Variants in SEPTIN4 observed in about 807,000 individuals in gnomAD.
SEPTIN4 encodes the protein septin 4.
A neutral mutation model predicts 107.1 loss-of-function variants in SEPTIN4; 52 were observed. The observed-to-expected ratio is 0.49, with a 90% CI of 0.39 to 0.61. SEPTIN4 has a LOEUF of 0.61. Ranked by LOEUF, SEPTIN4 falls within the 20% of genes least tolerant of loss-of-function variation. The pLI, the probability that SEPTIN4 is intolerant of heterozygous loss-of-function variation, is 0.00. For synonymous variants in SEPTIN4, 417 were observed against 467.0 expected, an observed-to-expected ratio of 0.89 and a Z score of 1.38; for missense variants, 1,048 against 1,243.5, an observed-to-expected ratio of 0.84 and a Z score of 2.36.
chr17:58,521,486 C>A lies in SEPTIN4; in HGVS notation c.2571+59G>T. The A allele has an allele frequency of 6.3e-7, 1 of 1,591,090 alleles. No homozygotes were observed. Among genetic ancestry groups the A allele is most frequent in the Non-Finnish European group, 8.6e-7 (1 of 1,159,524 alleles). On this transcript the variant is annotated intron_variant, in intron 10 of 13. Transcript: ENST00000672673. This position sits in a 1 kb window ranked among gnomAD's most constrained non-coding sequence, Gnocchi z 6.4. The stretch of plus-strand genomic sequence containing the variant: ...CTGATAGCCTGAATATAGAATTCTA[C>A]TCCCTTTTTCTACCCGGAAGAAATA...
At chr17:58,536,533 T>C (rs765848458) in intron 3 of SEPTIN4, among the ~76,000 whole-genome samples, 2 of 152,216 alleles carry the variant, frequency 1.3e-5, no homozygotes, top group Non-Finnish European at 2.9e-5. Context: ...AAGCTGGTGC[T>C]TGGTCTCAGA....
At chr17:58,522,345 G>A (rs1329206093) in intron 7 of SEPTIN4, among the ~76,000 whole-genome samples, 2 of 152,098 alleles carry the variant, frequency 1.3e-5, no homozygotes, top group African/African-American at 4.8e-5. Flanking sequence ...GAGAGGGAAA[G>A]GGCCCAGGTG....
chr17:58,522,159 C>A, intron 7 of SEPTIN4, 58 bp from the exon 8 acceptor site: 2 of 1,605,596 alleles, frequency 1.2e-6, no homozygotes, highest in Admixed American at 3.3e-5. Context: ...CTAGTGAGCT[C>A]TGGGACTACA....
chr17:58,529,697 C>T, intron 3 of SEPTIN4: 1 of 165,400 alleles, frequency 6.0e-6, no homozygotes, highest in South Asian at 1.7e-4. Context: ...CCCAGTCTCT[C>T]TTTCACCTTA....
At position 58,538,190 on chromosome 17, in the gene SEPTIN4, T is replaced by C. The variant is rs931198874; in HGVS notation, c.1614+2476A>G. Among the ~76,000 whole-genome samples the C allele has an allele frequency of 2.6e-5, 4 of 152,212 alleles. No homozygotes were observed. The highest frequency in any genetic ancestry group is 9.6e-5 in the African/African-American group (4 of 41,456). Reference sequence around the variant, plus strand: ...CCCTGAGTTCCTCAGAGGCTTTGGATTTCGCTTTGTAAAGGAAGCCAACCT... The same window carrying C: ...CCCTGAGTTCCTCAGAGGCTTTGGACTTCGCTTTGTAAAGGAAGCCAACCT... On this transcript the variant is annotated intron_variant, in intron 3 of 13. Transcript: ENST00000672673. The surrounding 1 kb of genome is among the most constrained non-coding windows in gnomAD (Gnocchi z 4.7).
chr17:58,543,743 T>G lies in SEPTIN4; in HGVS notation c.444A>C (p.Ser148=). ...GAGTAGATTTGGCATCTGGGATTGA[T>G]GAAGCATGATGGCCGACCTCGCGCC... ...KSGREVGHHA[S]SIPDAKSTHQ... The change falls in exon 1 of 14, where the codon TCA becomes TCC. Residue 148 remains serine (S), a synonymous_variant. Coordinates refer to ENST00000672673, the MANE Select transcript of SEPTIN4 (RefSeq NM_001368771.2). 1.2e-6 allele frequency: 2 copies of G among 1,614,220 alleles called. No individual in the cohort carries two copies. The highest frequency in any genetic ancestry group is 1.7e-6 in the Non-Finnish European group (2 of 1,180,048).
At chr17:58,541,304 G>GTCT (rs769751957) in intron 2 of SEPTIN4, among the ~76,000 whole-genome samples, 2 of 152,178 alleles carry the variant, frequency 1.3e-5, no homozygotes, top group African/African-American at 2.4e-5. Flanking sequence ...ACTCCTTGAG[G>GTCT]TCTTGTCCCC....
At chr17:58,536,232 C>T (rs1161163243) in intron 3 of SEPTIN4, among the ~76,000 whole-genome samples, 1 of 152,148 alleles carries the variant, frequency 6.6e-6, no homozygotes, top group Non-Finnish European at 1.5e-5. Context: ...AGAATAAATC[C>T]ACTCATAGGT....
At chr17:58,541,575 G>C (rs561237949) in intron 2 of SEPTIN4, 2 of 469,354 alleles carry the variant, frequency 4.3e-6, no homozygotes, top group Non-Finnish European at 7.5e-6. Context: ...AGTCAACTCT[G>C]AGCAAGACTG....
chr17:58,534,468 C>T (rs1371005715), intron 3 of SEPTIN4, among the ~76,000 whole-genome samples: 1 of 152,242 alleles, frequency 6.6e-6, no homozygotes, highest in Non-Finnish European at 1.5e-5. Context: ...GGGTCTAATA[C>T]CTGCAGGGCC....
intron 3 of SEPTIN4, chr17:58,529,799 T>C (rs1256729576): frequency 1.4e-5 from 1 of 71,288 alleles, no homozygotes; most frequent in African/African-American, 7.4e-5. Flanking sequence ...CAAGTGTTCA[T>C]TTGTTTTTTT....
intron 3 of SEPTIN4, among the ~76,000 whole-genome samples, chr17:58,535,954 G>A (rs2043695223): frequency 6.6e-6 from 1 of 152,094 alleles, no homozygotes; most frequent in Admixed American, 6.5e-5. Context: ...CCTTCATCCT[G>A]GCTGCTCACA....
chr17:58,539,132 C>T, intron 3 of SEPTIN4: 1 of 1,533,756 alleles, frequency 6.5e-7, no homozygotes, highest in Non-Finnish European at 8.7e-7. Flanking sequence ...TCAGAGAAGA[C>T]CAGCAGCCCA....
At position 58,544,126 on chromosome 17, in the gene SEPTIN4, C is replaced by T. The variant is rs1370157058; in HGVS notation, c.61G>A (p.Val21Ile). ...TGCTGAGGGGATGTGTTAGTAGTAACCTCAGACCCTCTCTGTGCTGAAACC... is the reference window on the plus strand; with the variant it reads ...TGCTGAGGGGATGTGTTAGTAGTAATCTCAGACCCTCTCTGTGCTGAAACC... The part of the protein sequence containing the change: ...VAVSAQRGSE[V>I]TTNTSPQQGH... Residue 21 changes from valine to isoleucine, a missense_variant, in exon 1 of 14, where the codon GTT (valine) becomes ATT (isoleucine). This residue lies in a region of SEPTIN4 where 787 missense variants were observed against 871.8 expected (regional missense o/e 0.90). Coordinates refer to ENST00000672673, the MANE Select transcript of SEPTIN4 (RefSeq NM_001368771.2). The T allele has an allele frequency of 7.4e-6, 12 of 1,613,960 alleles. No homozygotes were observed. Among genetic ancestry groups the T allele is most frequent in the Non-Finnish European group, 9.3e-6 (11 of 1,180,000 alleles).
Position 58,539,448 on chromosome 17 carries a change from C to A in SEPTIN4, c.1614+1218G>T, listed in dbSNP as rs140489791. On this transcript the variant is annotated intron_variant, in intron 3 of 13. Transcript: ENST00000672673. ...AAAAGGCTAGCTAAGACACCACCAT[C>A]CCCTGGCTTTGGAAAGGAGGGCATA... is the stretch of plus-strand genomic sequence containing the variant. 2.3e-3 allele frequency among the ~76,000 whole-genome samples: 343 copies of A among 152,270 alleles called. 2 individuals carry two copies. Among genetic ancestry groups the A allele is most frequent in the Middle Eastern group, 0.017 (5 of 294 alleles).
Position 58,526,722 on chromosome 17 carries a change from CG to C in SEPTIN4, c.1870del (p.Arg624AlafsTer34), listed in dbSNP as rs773159701. The C allele has an allele frequency of 6.2e-7, 1 of 1,604,870 alleles. No homozygotes were observed. Among genetic ancestry groups the C allele is most frequent in the East Asian group, 2.2e-5 (1 of 44,794 alleles). On this transcript the variant is annotated frameshift_variant, in exon 4 of 14. Coordinates refer to ENST00000672673, the MANE Select transcript of SEPTIN4 (RefSeq NM_001368771.2). LOFTEE classifies it high-confidence loss of function. The stretch of plus-strand genomic sequence containing the variant: ...GGGATCAAGCTTGCCCCATGGGCTG[CG>C]GGGCCTGGCAGATGGGCTGAGAGGG... ...PAPLSPSARP[R>X]SPWGKLDPYD...
At position 58,526,298 on chromosome 17, in the gene SEPTIN4, C is replaced by A. The variant is rs930101819; in HGVS notation, c.1927G>T (p.Val643Leu). The change falls in exon 5 of 14, where the codon GTG becomes TTG. Residue 643 changes from valine to leucine, a missense_variant. Around this residue, in one of 2 missense-constraint regions of SEPTIN4, gnomAD observed 787 missense variants for 871.8 expected, o/e 0.90. Coordinates refer to ENST00000672673, the MANE Select transcript of SEPTIN4 (RefSeq NM_001368771.2). Reference sequence around the variant, plus strand: ...TGGTTGGGGAGGGTTGCAAAGCCCACATACTCCTTGTCATCCTAGTAGACA... The same window carrying A: ...TGGTTGGGGAGGGTTGCAAAGCCCAAATACTCCTTGTCATCCTAGTAGACA... ...YDSSEDDKEYVGFATLPNQVH... is the reference protein window; with the variant it reads ...YDSSEDDKEYLGFATLPNQVH... The A allele has an allele frequency of 2.5e-6, 4 of 1,597,144 alleles. No homozygotes were observed. In the African/African-American group the frequency reaches 4.0e-5, roughly 16 times the overall value.
rs1567946463 is a variant in SEPTIN4 at position 58,520,793 on chromosome 17, G to C, written c.2881C>G (p.Pro961Ala). 1.9e-6 allele frequency: 3 copies of C among 1,614,144 alleles called. No homozygotes were observed. The highest frequency in any genetic ancestry group is 2.5e-6 in the Non-Finnish European group (3 of 1,180,018). The stretch of plus-strand genomic sequence containing the variant: ...TTCTCAGTTTCTGGATCTGTCCCTG[G>C]TGGGACAGCAGGGATGGGGAAGTCG... ...GTDFPIPAVP[P>A]GTDPETEKLI... Residue 961 changes from proline (P) to alanine (A), a missense_variant, in exon 13 of 14, where the codon CCA (proline) becomes GCA (alanine). Around this residue, in one of 2 missense-constraint regions of SEPTIN4, gnomAD observed 261 missense variants for 371.7 expected, o/e 0.70. Coordinates refer to ENST00000672673, the MANE Select transcript of SEPTIN4 (RefSeq NM_001368771.2).
In SEPTIN4 at chr17:58,544,260, T is replaced by C; in HGVS notation, c.-74A>G. On this transcript the variant is annotated 5_prime_UTR_variant, in exon 1 of 14. Transcript: ENST00000672673. ...TTGTATTCAGGATCCTAATGATGCCTGAATATTTACCCTGTTTTAAAGCTG... is the reference window on the plus strand; with the variant it reads ...TTGTATTCAGGATCCTAATGATGCCCGAATATTTACCCTGTTTTAAAGCTG... The C allele has an allele frequency of 6.6e-7, 1 of 1,504,432 alleles. No homozygotes were observed. The highest frequency in any genetic ancestry group is 1.3e-5 in the South Asian group (1 of 76,140). The allele number at this position is 1,504,432 out of a possible 1,614,324, so 93.2% of individuals were successfully genotyped here. A position where few individuals can be genotyped will look rare whatever the true frequency, so the allele number is the denominator to read the frequency against.
Sources: gnomAD v4.1 joint callset for allele counts (sites outside exome capture counted in the v4.1 genomes callset) on GRCh38, gnomAD v4.1.1 for gene constraint, gnomAD v4.1.1 regional missense constraint, Gnocchi (gnomAD v3.1) non-coding constraint, MANE v1.5 for transcripts, NCBI Gene and HGNC (gene_info 2026-07-23, HGNC 2026-07-21) for gene names.